RAB3GAP2: variants seen among roughly 807,000 people sequenced by gnomAD.
The protein encoded by RAB3GAP2 is RAB3 GTPase activating non-catalytic protein subunit 2, also known as rab3 GTPase-activating protein non-catalytic subunit.
A neutral mutation model predicts 185.3 loss-of-function variants in RAB3GAP2; 87 were observed. The observed-to-expected ratio is 0.47, with a 90% confidence interval of 0.39 to 0.56. RAB3GAP2 has a LOEUF of 0.56. Ranked by LOEUF, RAB3GAP2 falls within the 20% of genes least tolerant of loss-of-function variation. The pLI, the probability that RAB3GAP2 is intolerant of heterozygous loss-of-function variation, is 0.00. For synonymous variants in RAB3GAP2, 554 were observed against 576.1 expected, an observed-to-expected ratio of 0.96 and a Z score of 0.55; for missense variants, 1,492 against 1,638.2, an observed-to-expected ratio of 0.91 and a Z score of 1.54.
Position 220,254,254 on chromosome 1 carries a change from T to C in RAB3GAP2, c.115+17969A>G, listed in dbSNP as rs541881967. The C allele has an allele frequency of 3.0e-4, 484 of 1,613,604 alleles. 5 individuals are homozygous for C. In the South Asian group the frequency reaches 5.1e-3, roughly 17 times the overall value. On this transcript the variant is annotated intron_variant, in intron 1 of 34. Coordinates refer to ENST00000358951, the MANE Select transcript of RAB3GAP2 (RefSeq NM_012414.4). ...GATAAAAGAATACTTCAACGTAATG[T>C]TGGGTACCCAGCTACTCTATAAATT... is the stretch of plus-strand genomic sequence containing the variant.
At chr1:220,266,671 C>A in intron 1 of RAB3GAP2, 14 of 1,526,240 alleles carry the variant, frequency 9.2e-6, no homozygotes, top group Non-Finnish European at 1.3e-5. Flanking sequence ...ATACAGCAGC[C>A]CTGGCTCAAG....
At chr1:220,157,156 C>A in intron 31 of RAB3GAP2, 114 bp downstream of exon 31, 1 of 928,818 alleles carries the variant, frequency 1.1e-6, no homozygotes, top group African/African-American at 1.6e-5. Flanking sequence ...TGGAACCTCA[C>A]ACCAAATTAT....
chr1:220,159,761 T>C (rs1412881800), intron 28 of RAB3GAP2, among the ~76,000 whole-genome samples: 1 of 152,044 alleles, frequency 6.6e-6, no homozygotes, highest in Non-Finnish European at 1.5e-5. Flanking sequence ...TTCATGCCTG[T>C]AATCCTAGCA....
At chr1:220,167,220 T>C (rs1658084926) in intron 26 of RAB3GAP2, 73 bp downstream of exon 26, 1 of 1,323,376 alleles carries the variant, frequency 7.6e-7, no homozygotes, top group Admixed American at 1.8e-5. Context: ...GCTATTTAAT[T>C]AGACGGTCCC....
Position 220,157,342 on chromosome 1 carries a change from C to T in RAB3GAP2, c.3483G>A (p.Leu1161=). 2 of 1,613,954 alleles carry T rather than the reference C, an allele frequency of 1.2e-6. No homozygotes were observed. The highest frequency in any genetic ancestry group is 1.7e-6 in the Non-Finnish European group (2 of 1,179,990). The change falls in exon 31 of 35, where the codon CTG becomes CTA. Residue 1161 remains leucine, a synonymous_variant. Coordinates refer to ENST00000358951, the MANE Select transcript of RAB3GAP2 (RefSeq NM_012414.4). ...TCATGACTGCATACAAGATGGAGCA[C>T]AGGATGGAGTGGTGCTCCACCAGTG... ...HYPLVEHHSI[L]CSILYAVMRF... is the part of the protein sequence containing the mutation.
rs145972836 is a variant in RAB3GAP2, at chr1:220,265,319, T to C, written c.115+6904A>G. 1.2e-3 allele frequency among the ~76,000 whole-genome samples: 185 copies of C among 152,216 alleles called. 1 individual carries two copies. Among genetic ancestry groups the C allele is most frequent in the African/African-American group, 4.4e-3 (183 of 41,564 alleles). On this transcript the variant is annotated intron_variant, in intron 1 of 34. Transcript: ENST00000358951. ...AATTGATTATTTCAACATAATTCCC[T>C]ACATGCTTTATATTCTGGTTGGTAA... is the stretch of plus-strand genomic sequence containing the variant.
chr1:220,268,104 G>A (rs1322693710), intron 1 of RAB3GAP2, among the ~76,000 whole-genome samples: 2 of 152,208 alleles, frequency 1.3e-5, no homozygotes, highest in African/African-American at 4.8e-5. Flanking sequence ...ATGATCTCAT[G>A]ATTTCTGCTT....
intron 30 of RAB3GAP2, 118 bp from the exon 31 acceptor site, chr1:220,157,606 G>A (rs1282086638): frequency 6.3e-6 from 7 of 1,109,834 alleles, no homozygotes; most frequent in Non-Finnish European, 9.2e-6. Context: ...GTCCCAAATT[G>A]TAATAAAAAA....
chr1:220,153,635 G>A (rs1284991270), intron 32 of RAB3GAP2: 2 of 317,558 alleles, frequency 6.3e-6, no homozygotes, highest in Non-Finnish European at 1.1e-5. Flanking sequence ...AAGTTCTAGG[G>A]TACATGTGCA....
chr1:220,194,421 T>C (rs1156499936), intron 12 of RAB3GAP2, among the ~76,000 whole-genome samples: 1 of 152,050 alleles, frequency 6.6e-6, no homozygotes, highest in Non-Finnish European at 1.5e-5. Context: ...ATGGAGTTTT[T>C]CGCTCTTGTC....
At chr1:220,170,358 T>C (rs1400907839) in intron 24 of RAB3GAP2, among the ~76,000 whole-genome samples, 1 of 152,032 alleles carries the variant, frequency 6.6e-6, no homozygotes, top group Non-Finnish European at 1.5e-5. Flanking sequence ...ATGGCACGTG[T>C]ATACCTATGT....
chr1:220,169,040 C>A (rs1357631994), intron 24 of RAB3GAP2, among the ~76,000 whole-genome samples: 2 of 152,156 alleles, frequency 1.3e-5, no homozygotes, highest in African/African-American at 2.4e-5. Flanking sequence ...GCTTCTAAAT[C>A]ATTGGAAAAT....
rs779116648 is a variant in RAB3GAP2, at chr1:220,164,786, A to C, written c.3101T>G (p.Phe1034Cys). 1.9e-6 allele frequency: 3 copies of C among 1,608,904 alleles called. No individual in the cohort carries two copies. In the South Asian group the frequency reaches 3.3e-5, roughly 18 times the overall value. The change falls in exon 27 of 35, where the codon TTT becomes TGT. Residue 1034 changes from phenylalanine to cysteine, a missense_variant. Transcript: ENST00000358951. ...WNKDPEEARF[F>C]VRSIEHLKQI... ...CTTCAAGTGTTCTATTGACCTAACA[A>C]AAAAACGTGCTTCCTTACATACAGG...
intron 1 of RAB3GAP2, among the ~76,000 whole-genome samples, chr1:220,262,794 G>A (rs1298885616): frequency 6.6e-6 from 1 of 152,156 alleles, no homozygotes; most frequent in African/African-American, 2.4e-5. Flanking sequence ...ATCTCTTCAA[G>A]ACCCTGCTTT....
At chr1:220,227,129 C>T (rs1027238335) in intron 2 of RAB3GAP2, among the ~76,000 whole-genome samples, 9 of 152,122 alleles carry the variant, frequency 5.9e-5, no homozygotes, top group Non-Finnish European at 1.0e-4. Context: ...GTTATGGCAG[C>T]CTGAGCAGAT....
At chr1:220,267,295 AG>A in intron 1 of RAB3GAP2, 1 of 946,112 alleles carries the variant, frequency 1.1e-6, no homozygotes, top group Non-Finnish European at 1.7e-6. Context: ...TTCCAGAATT[AG>A]GTAGACTCTG....
At chr1:220,263,357 C>T (rs952345534) in intron 1 of RAB3GAP2, among the ~76,000 whole-genome samples, 9 of 152,062 alleles carry the variant, frequency 5.9e-5, no homozygotes, top group Admixed American at 4.6e-4. Flanking sequence ...GGTGTCATAT[C>T]CAAAAGCATG....
chr1:220,204,946 G>A (rs192325486), intron 8 of RAB3GAP2, among the ~76,000 whole-genome samples: 477 of 152,018 alleles, frequency 3.1e-3, no homozygotes, highest in Non-Finnish European at 4.2e-3. Context: ...GTATTCCATG[G>A]TGTATATGTG....
chr1:220,192,772 T>C (rs1162680282), intron 13 of RAB3GAP2, among the ~76,000 whole-genome samples: 2 of 152,186 alleles, frequency 1.3e-5, no homozygotes, highest in Admixed American at 6.6e-5. Context: ...CTGTTAATAA[T>C]AGCTGAAGGA....
Sources: gnomAD v4.1 joint callset for allele counts (sites outside exome capture counted in the v4.1 genomes callset) on GRCh38, gnomAD v4.1.1 for gene constraint, MANE v1.5 for transcripts, NCBI Gene and HGNC (gene_info 2026-07-23, HGNC 2026-07-21) for gene names.